MTCL3: variants seen among roughly 807,000 people sequenced by gnomAD.
The protein encoded by MTCL3 is MTCL family member 3, also known as microtubule cross-linking factor 3.
chr6:127,484,565 A>T, the MTCL3 span, among the ~76,000 whole-genome samples: 1 of 152,210 alleles, frequency 6.6e-6, no homozygotes, highest in Non-Finnish European at 1.5e-5. Context: ...CTAAATACTT[A>T]TTGAATGCTT....
the MTCL3 span, chr6:127,515,486 C>A: frequency 7.1e-7 from 1 of 1,410,464 alleles, no homozygotes; most frequent in South Asian, 1.7e-5. This position sits in a 1 kb window ranked among gnomAD's most constrained non-coding sequence, Gnocchi z 4.3. Context: ...CTTCCCATCC[C>A]CCAGCCGGGT....
the MTCL3 span, among the ~76,000 whole-genome samples, chr6:127,489,508 GC>G: frequency 1.3e-5 from 2 of 152,334 alleles, no homozygotes; most frequent in East Asian, 3.9e-4. Context: ...AAACACCTAG[GC>G]CTCTTAGCCA....
At chr6:127,488,990 T>G in the MTCL3 span, among the ~76,000 whole-genome samples, 1 of 152,230 alleles carries the variant, frequency 6.6e-6, no homozygotes, top group Non-Finnish European at 1.5e-5. Context: ...TTCACTGTAT[T>G]GTACTTCACA....
chr6:127,501,708 A>G, the MTCL3 span, among the ~76,000 whole-genome samples: 2 of 152,218 alleles, frequency 1.3e-5, no homozygotes, highest in Non-Finnish European at 1.5e-5. Flanking sequence ...AAATGCTCCA[A>G]TTAAGTGAAA....
chr6:127,499,939 G>A, the MTCL3 span, among the ~76,000 whole-genome samples: 2 of 152,224 alleles, frequency 1.3e-5, no homozygotes, highest in East Asian at 1.9e-4. Flanking sequence ...CCCACTGGGA[G>A]GACCCTACTC....
chr6:127,516,312 C>T, the MTCL3 span: 1 of 1,585,204 alleles, frequency 6.3e-7, no homozygotes, highest in Non-Finnish European at 8.5e-7. Flanking sequence ...CCTTCTCGGC[C>T]CCACCTCCGC....
At chr6:127,513,006 T>C in the MTCL3 span, 2 of 1,611,798 alleles carry the variant, frequency 1.2e-6, no homozygotes. Flanking sequence ...TTCTTCCACA[T>C]TTTCTAATTC....
the MTCL3 span, among the ~76,000 whole-genome samples, chr6:127,487,851 T>A: frequency 2.9e-4 from 44 of 152,322 alleles, no homozygotes; most frequent in Non-Finnish European, 3.4e-4. Flanking sequence ...AGACCCTGAC[T>A]ACACACTGGA....
chr6:127,476,298 G>A, the MTCL3 span: 1 of 1,614,190 alleles, frequency 6.2e-7, no homozygotes, highest in South Asian at 1.1e-5. The surrounding 1 kb of genome is among the most constrained non-coding windows in gnomAD (Gnocchi z 4.4). Context: ...GAGGGCCTCC[G>A]GCTTCTCCTT....
the MTCL3 span, among the ~76,000 whole-genome samples, chr6:127,496,455 G>T: frequency 6.6e-6 from 1 of 152,158 alleles, no homozygotes; most frequent in Non-Finnish European, 1.5e-5. Context: ...CGAATGTATG[G>T]CCTTCAATGT....
At chr6:127,515,711 T>C in the MTCL3 span, 1 of 1,580,644 alleles carries the variant, frequency 6.3e-7, no homozygotes, top group Non-Finnish European at 8.6e-7. This position sits in a 1 kb window ranked among gnomAD's most constrained non-coding sequence, Gnocchi z 4.3. Context: ...ACGGCCAGGG[T>C]CTCGCAAACG....
At chr6:127,515,028 C>G in the MTCL3 span, 1 of 1,614,048 alleles carries the variant, frequency 6.2e-7, no homozygotes, top group Non-Finnish European at 8.5e-7. This position sits in a 1 kb window ranked among gnomAD's most constrained non-coding sequence, Gnocchi z 4.3. Flanking sequence ...CATCTCGGTT[C>G]TCAGCTCATC....
chr6:127,502,527 T>C, the MTCL3 span, among the ~76,000 whole-genome samples: 183 of 152,260 alleles, frequency 1.2e-3, 4 homozygotes, highest in Non-Finnish European at 4.0e-4. Context: ...GGCTTTATAA[T>C]GAAGTGAGAT....
the MTCL3 span, among the ~76,000 whole-genome samples, chr6:127,507,842 CAAAAAAAA>C: frequency 4.9e-5 from 4 of 82,074 alleles, no homozygotes; most frequent in African/African-American, 1.1e-4. Context: ...GACTATGTCT[CAAAAAAAA>C]AAAAAAAAAA....
chr6:127,512,997 T>G, the MTCL3 span: 7 of 1,611,980 alleles, frequency 4.3e-6, no homozygotes, highest in Non-Finnish European at 5.9e-6. Context: ...TGTTCTCTTT[T>G]CTTCCACATT....
chr6:127,515,902 A>G, the MTCL3 span: 12 of 1,610,730 alleles, frequency 7.5e-6, no homozygotes, highest in South Asian at 1.1e-4. The surrounding 1 kb of genome is among the most constrained non-coding windows in gnomAD (Gnocchi z 4.3). Context: ...GCCCCCCGCA[A>G]CGCCGCTTCC....
the MTCL3 span, among the ~76,000 whole-genome samples, chr6:127,481,649 CA>C: frequency 0.27 from 40,314 of 152,038 alleles, 6,371 homozygotes; most frequent in East Asian, 0.72. Context: ...CTTGTAATCA[CA>C]AAAGTATACT....
At chr6:127,487,681 G>T in the MTCL3 span, among the ~76,000 whole-genome samples, 3 of 152,146 alleles carry the variant, frequency 2.0e-5, no homozygotes, top group Non-Finnish European at 4.4e-5. Context: ...GGTGAGGCAG[G>T]ATCCCAAGCT....
chr6:127,517,853 A>G, the MTCL3 span: 1 of 152,170 alleles, frequency 6.6e-6, no homozygotes, highest in Non-Finnish European at 1.5e-5. Context: ...CCTTAAAATT[A>G]TTTCTGTCTA....
Sources: gnomAD v4.1 joint callset for allele counts (sites outside exome capture counted in the v4.1 genomes callset) on GRCh38, gnomAD v4.1.1 for gene constraint, Gnocchi (gnomAD v3.1) non-coding constraint, MANE v1.5 for transcripts, NCBI Gene and HGNC (gene_info 2026-07-23, HGNC 2026-07-21) for gene names.